VRK2: variants seen among roughly 807,000 people sequenced by gnomAD.
VRK2 encodes the protein VRK serine/threonine kinase 2, also known as serine/threonine-protein kinase VRK2.
Under a neutral mutation model 57.6 loss-of-function variants are expected in VRK2, and 60 were observed. That is an observed-to-expected ratio of 1.04 (90% CI 0.85 to 1.29). The LOEUF (loss-of-function observed/expected upper bound fraction) is 1.29, where lower values mean the gene tolerates loss of function less well. Ranked by LOEUF, VRK2 falls within the 50% of genes most tolerant of loss-of-function variation. The pLI is 0.00. For synonymous variants in VRK2, 231 were observed against 199.2 expected, an observed-to-expected ratio of 1.16 and a Z score of -1.35; for missense variants, 705 against 588.1, an observed-to-expected ratio of 1.20 and a Z score of -2.06.
intron 1 of VRK2, among the ~76,000 whole-genome samples, chr2:57,988,073 T>A (rs1057353893): frequency 7.2e-5 from 11 of 152,186 alleles, no homozygotes; most frequent in Admixed American, 6.5e-4. Context: ...GTATCTTGAT[T>A]GTAATGGTGG....
At chr2:57,994,501 A>T (rs1055621102) in intron 1 of VRK2, among the ~76,000 whole-genome samples, 1 of 152,196 alleles carries the variant, frequency 6.6e-6, no homozygotes, top group Non-Finnish European at 1.5e-5. Context: ...TCCACTACTG[A>T]TCCACTGGAA....
chr2:58,135,035 G>T, intron 9 of VRK2, 106 bp from the exon 10 acceptor site: 2 of 1,175,276 alleles, frequency 1.7e-6, no homozygotes, highest in Non-Finnish European at 1.2e-6. Flanking sequence ...AGCATTGAAA[G>T]TCACAATTTT....
At chr2:58,026,885 TTTTC>T (rs1463702346) in intron 2 of VRK2, 3 of 148,082 alleles carry the variant, frequency 2.0e-5, no homozygotes, top group East Asian at 2.0e-4. Flanking sequence ...GCTTTTTTTC[TTTTC>T]TTTTTTTTTT....
At chr2:58,158,352 T>TTAAC (rs1283897790) in intron 12 of VRK2, among the ~76,000 whole-genome samples, 1 of 152,186 alleles carries the variant, frequency 6.6e-6, no homozygotes, top group East Asian at 1.9e-4. Flanking sequence ...AGTGAGTCAT[T>TTAAC]TAACTCTCAA....
chr2:58,068,167 T>A (rs1269344917), intron 2 of VRK2, among the ~76,000 whole-genome samples: 1 of 152,140 alleles, frequency 6.6e-6, no homozygotes, highest in Non-Finnish European at 1.5e-5. Context: ...TAACCTCAAG[T>A]GATCTGTCCA....
chr2:57,950,788 C>T (rs1037848053), intron 1 of VRK2, among the ~76,000 whole-genome samples: 3 of 152,098 alleles, frequency 2.0e-5, no homozygotes, highest in Non-Finnish European at 4.4e-5. Flanking sequence ...CCATTCTAGA[C>T]GCCATTAAGA....
chr2:58,094,682 T>C (rs1672875146), intron 7 of VRK2, among the ~76,000 whole-genome samples: 1 of 152,154 alleles, frequency 6.6e-6, no homozygotes, highest in Non-Finnish European at 1.5e-5. Flanking sequence ...TTCATTACAG[T>C]TTATTATAAG....
chr2:57,916,284 T>C (rs1350778943), intron 1 of VRK2, among the ~76,000 whole-genome samples: 1 of 151,738 alleles, frequency 6.6e-6, no homozygotes, highest in Non-Finnish European at 1.5e-5. Context: ...CACATACCTG[T>C]AATCCCAGCT....
intron 1 of VRK2, among the ~76,000 whole-genome samples, chr2:58,001,986 C>T (rs1395762476): frequency 6.6e-6 from 1 of 152,074 alleles, no homozygotes; most frequent in African/African-American, 2.4e-5. Context: ...ACTATCAATT[C>T]TGTCAGATTA....
intron 11 of VRK2, among the ~76,000 whole-genome samples, chr2:58,140,662 GATGA>G (rs2104613702): frequency 6.6e-6 from 1 of 152,148 alleles, no homozygotes; most frequent in African/African-American, 2.4e-5. Flanking sequence ...TAGGCTGCTA[GATGA>G]ATGGTGAGTC....
At chr2:58,032,319 T>C (rs550037653) in intron 2 of VRK2, among the ~76,000 whole-genome samples, 9 of 152,102 alleles carry the variant, frequency 5.9e-5, no homozygotes, top group Non-Finnish European at 1.0e-4. Context: ...GATTTATTTC[T>C]CAAATGTATT....
At chr2:58,016,792 T>C (rs573751499) in intron 1 of VRK2, among the ~76,000 whole-genome samples, 151 of 152,264 alleles carry the variant, frequency 9.9e-4, no homozygotes, top group Non-Finnish European at 1.8e-3. Context: ...GAAAATTTGC[T>C]ACTGTTTCTT....
chr2:57,918,609 G>A (rs1315969767), intron 1 of VRK2, among the ~76,000 whole-genome samples: 1 of 152,084 alleles, frequency 6.6e-6, no homozygotes, highest in Non-Finnish European at 1.5e-5. Flanking sequence ...AGTGGGACAA[G>A]TCTGGGACTG....
intron 3 of VRK2, among the ~76,000 whole-genome samples, chr2:58,037,258 C>T (rs80304139): frequency 5.3e-5 from 8 of 151,930 alleles, no homozygotes; most frequent in South Asian, 2.1e-4. Context: ...TAAATGTACA[C>T]GGTCGCAGGT....
chr2:58,096,955 T>G (rs1289643420), intron 7 of VRK2, among the ~76,000 whole-genome samples: 1 of 152,022 alleles, frequency 6.6e-6, no homozygotes. Context: ...TTCTTAAATT[T>G]TTATGTGGAA....
chr2:57,989,438 C>G (rs1042026305), intron 1 of VRK2, among the ~76,000 whole-genome samples: 2 of 152,070 alleles, frequency 1.3e-5, no homozygotes, highest in Non-Finnish European at 2.9e-5. Flanking sequence ...AAGGTAATTG[C>G]TTGGACATTT....
intron 5 of VRK2, among the ~76,000 whole-genome samples, chr2:58,087,558 G>T (rs972676268): frequency 6.6e-6 from 1 of 152,180 alleles, no homozygotes; most frequent in Non-Finnish European, 1.5e-5. Flanking sequence ...AGGGGCTGAT[G>T]TGGATATATA....
At chr2:57,963,297 A>G (rs910840478) in intron 1 of VRK2, among the ~76,000 whole-genome samples, 1 of 152,234 alleles carries the variant, frequency 6.6e-6, no homozygotes. Flanking sequence ...ATGACTTAAA[A>G]GAAATCAGAA....
intron 1 of VRK2, among the ~76,000 whole-genome samples, chr2:57,929,161 C>T (rs562046557): frequency 6.6e-6 from 1 of 152,296 alleles, no homozygotes; most frequent in South Asian, 2.1e-4. Context: ...TCTCCCTGGT[C>T]CCAGCTAGGT....
Sources: allele counts gnomAD v4.1 joint callset (sites outside exome capture counted in the v4.1 genomes callset), GRCh38; gene constraint gnomAD v4.1.1; transcripts MANE v1.5; gene names NCBI Gene and HGNC (gene_info 2026-07-23, HGNC 2026-07-21).